Variants in PLCG2 observed in about 807,000 individuals in gnomAD.
PLCG2 encodes 1-phosphatidylinositol 4,5-bisphosphate phosphodiesterase gamma-2.
A neutral mutation model predicts 175.6 loss-of-function variants in PLCG2; 69 were observed. The observed-to-expected ratio is 0.39, with a 90% CI of 0.32 to 0.48. PLCG2 has a LOEUF of 0.48. Among genes scored for constraint, PLCG2 ranks in the 20% least tolerant of loss-of-function variants. The probability of loss-of-function intolerance (pLI) is 0.91; values close to 1 mark genes in which losing one functional copy is unlikely to be tolerated. For synonymous variants in PLCG2, 827 were observed against 624.0 expected (o/e 1.33, Z -4.85); for missense variants, 1,798 against 1,650.9 (o/e 1.09, Z -1.54).
chr16:81,816,595 C>T (rs1904558753), intron 2 of PLCG2, among the ~76,000 whole-genome samples: 1 of 150,756 alleles, frequency 6.6e-6, no homozygotes, highest in African/African-American at 2.5e-5. Context: ...CCTCCTCCCT[C>T]AGCCTCACAA....
chr16:81,865,897 G>T (rs1209452562), intron 5 of PLCG2, among the ~76,000 whole-genome samples: 4 of 128,836 alleles, frequency 3.1e-5, no homozygotes, highest in East Asian at 2.4e-4. Flanking sequence ...CCTCTCCCTT[G>T]CTCCCAGGAT....
chr16:81,802,449 GC>G (rs1911774972), intron 2 of PLCG2, among the ~76,000 whole-genome samples: 1 of 151,704 alleles, frequency 6.6e-6, no homozygotes, highest in Non-Finnish European at 1.5e-5. Context: ...TGTACTTCCA[GC>G]TTTTGCTACC....
At chr16:81,833,711 T>A (rs1905368956) in intron 2 of PLCG2, among the ~76,000 whole-genome samples, 1 of 151,484 alleles carries the variant, frequency 6.6e-6, no homozygotes, top group South Asian at 2.1e-4. Flanking sequence ...TATATATATT[T>A]TTTTGTAGAG....
intron 9 of PLCG2, among the ~76,000 whole-genome samples, chr16:81,884,527 G>C (rs1019015095): frequency 2.0e-5 from 3 of 152,094 alleles, no homozygotes; most frequent in Non-Finnish European, 4.4e-5. Flanking sequence ...TTGTGCCCCA[G>C]TTTCCCCCTC....
At chr16:81,934,327 G>A (rs1910620759) in intron 25 of PLCG2, 102 bp from the exon 26 acceptor site, 1 of 708,800 alleles carries the variant, frequency 1.4e-6, no homozygotes, top group Non-Finnish European at 2.5e-6. Flanking sequence ...AGATCCGAGT[G>A]TGCAAGAAAG....
At position 81,870,868 on chromosome 16, in the gene PLCG2, A is replaced by T. The variant is rs372054297; in HGVS notation, c.581A>T (p.Lys194Ile). ...KDKFVEIGAH[K>I]DELSFEQFHL... ...TATTTACAGGAAATAGGAGCACACA[A>T]AGATGAGCTCAGCTTTGAACAGTTC... The change falls in exon 7 of 33, where the codon AAA becomes ATA. Residue 194 changes from lysine to isoleucine, a missense_variant. Lys to Ile is a moderately radical substitution (Grantham distance 102, BLOSUM62 -3). Coordinates refer to ENST00000564138, the MANE Select transcript of PLCG2 (RefSeq NM_002661.5). 2.1e-5 allele frequency: 34 copies of T among 1,596,616 alleles called. No homozygotes were observed. The African/African-American group carries it at 3.0e-4, about 14-fold the overall frequency.
At chr16:81,824,659 G>A (rs897855717) in intron 2 of PLCG2, among the ~76,000 whole-genome samples, 1 of 152,186 alleles carries the variant, frequency 6.6e-6, no homozygotes, top group Admixed American at 6.5e-5. Flanking sequence ...TAATTAAAGG[G>A]CAACACTGAG....
chr16:81,823,527 T>C (rs1904899058), intron 2 of PLCG2, among the ~76,000 whole-genome samples: 1 of 152,138 alleles, frequency 6.6e-6, no homozygotes, highest in African/African-American at 2.4e-5. Flanking sequence ...ACTGTTTTCT[T>C]GTTTATTTAC....
intron 22 of PLCG2, among the ~76,000 whole-genome samples, chr16:81,924,089 A>G (rs1910165659): frequency 1.3e-5 from 2 of 152,258 alleles, no homozygotes; most frequent in African/African-American, 4.8e-5. Flanking sequence ...TGCTGTGTGC[A>G]ATGGCCACAT....
chr16:81,826,116 C>T (rs1045027651), intron 2 of PLCG2, among the ~76,000 whole-genome samples: 3 of 152,180 alleles, frequency 2.0e-5, no homozygotes, highest in Non-Finnish European at 4.4e-5. Flanking sequence ...ACCTATTCCT[C>T]CAGTTTTCCC....
At chr16:81,825,291 T>TG (rs201492291) in intron 2 of PLCG2, among the ~76,000 whole-genome samples, 6 of 144,456 alleles carry the variant, frequency 4.2e-5, no homozygotes, top group African/African-American at 1.6e-4. Context: ...TAATTTTTTT[T>TG]TTTTTTTTTT....
At chr16:81,938,243 A>C (rs1023594291) in intron 28 of PLCG2, among the ~76,000 whole-genome samples, 1 of 152,124 alleles carries the variant, frequency 6.6e-6, no homozygotes, top group Non-Finnish European at 1.5e-5. Flanking sequence ...TTAATGGAGA[A>C]GTTTTTTCCC....
intron 2 of PLCG2, among the ~76,000 whole-genome samples, chr16:81,847,010 G>A (rs1453145601): frequency 6.6e-6 from 1 of 152,194 alleles, no homozygotes; most frequent in African/African-American, 2.4e-5. Flanking sequence ...TCCACAGGTT[G>A]AGAGCTCAGT....
At chr16:81,876,196 TG>T (rs945646284) in intron 7 of PLCG2, among the ~76,000 whole-genome samples, 1 of 151,916 alleles carries the variant, frequency 6.6e-6, no homozygotes, top group African/African-American at 2.4e-5. Flanking sequence ...GGCTAATTTT[TG>T]TATTTTTTGT....
chr16:81,819,691 TATCCTGC>T (rs1904711655), intron 2 of PLCG2, among the ~76,000 whole-genome samples: 1 of 152,162 alleles, frequency 6.6e-6, no homozygotes, highest in African/African-American at 2.4e-5. Flanking sequence ...TTCAAGCGAA[TATCCTGC>T]CTCAGCCTCC....
intron 31 of PLCG2, among the ~76,000 whole-genome samples, chr16:81,951,390 A>C (rs1418934670): frequency 6.6e-6 from 1 of 152,244 alleles, no homozygotes; most frequent in East Asian, 1.9e-4. Context: ...TGATTACCTT[A>C]AAGAATGTAA....
intron 20 of PLCG2, among the ~76,000 whole-genome samples, 178 bp downstream of exon 20, chr16:81,919,842 T>C (rs1358701375): frequency 6.6e-6 from 1 of 152,062 alleles, no homozygotes; most frequent in Non-Finnish European, 1.5e-5. Flanking sequence ...TAGTGTAGTG[T>C]TGGGGAGATG....
chr16:81,781,038 C>T (rs937745276), intron 1 of PLCG2, among the ~76,000 whole-genome samples: 2 of 151,064 alleles, frequency 1.3e-5, no homozygotes, highest in Non-Finnish European at 2.9e-5. Flanking sequence ...GACAAACAAA[C>T]AAACAAACAA....
chr16:81,883,526 T>C lies in PLCG2; in HGVS notation c.765+185T>C, dbSNP rs1049413510. The C allele has an allele frequency of 3.3e-5, 20 of 605,390 alleles. No individual in the cohort carries two copies. In the Admixed American group the frequency reaches 5.2e-4, roughly 16 times the overall value. 37.5% of individuals were successfully genotyped at this position (605,390 alleles called of 1,614,324 possible). A position where few individuals can be genotyped will look rare whatever the true frequency, so the allele number is the denominator to read the frequency against. ...AGATGCCAGAGACTTCAGATTGCTGTCTGATGCCACTGAAACTCTGGATGA... is the reference window on the plus strand; with the variant it reads ...AGATGCCAGAGACTTCAGATTGCTGCCTGATGCCACTGAAACTCTGGATGA... On this transcript the variant is annotated intron_variant, in intron 9 of 32. Coordinates refer to ENST00000564138, the MANE Select transcript of PLCG2 (RefSeq NM_002661.5).
Sources: allele counts gnomAD v4.1 joint callset (sites outside exome capture counted in the v4.1 genomes callset), GRCh38; gene constraint gnomAD v4.1.1; transcripts MANE v1.5; gene names NCBI Gene and HGNC (gene_info 2026-07-23, HGNC 2026-07-21).